The following SND1 variants were observed in gnomAD, a reference collection of about 807,000 sequenced individuals.
SND1 encodes the protein staphylococcal nuclease domain-containing protein 1.
A neutral mutation model predicts 121.7 loss-of-function variants in SND1; 38 were observed. The ratio of observed to expected loss-of-function variants is 0.31; its 90% confidence interval spans 0.24 to 0.41. SND1 has a LOEUF of 0.41. SND1 is among the 10% of genes least tolerant of loss of function. SND1 has a pLI of 1.00. For missense variants in SND1, 868 were observed against 1,184.6 expected (o/e 0.73, Z 3.92); for synonymous variants, 401 against 447.4 (o/e 0.90, Z 1.31).
intron 2 of SND1, among the ~76,000 whole-genome samples, chr7:127,691,248 A>C (rs1468654328): frequency 2.0e-5 from 3 of 152,202 alleles, no homozygotes; most frequent in Non-Finnish European, 4.4e-5. Context: ...TATCTTTAAA[A>C]AATAATAAAA....
chr7:127,958,418 G>C (rs1801650306), intron 15 of SND1, among the ~76,000 whole-genome samples: 1 of 152,166 alleles, frequency 6.6e-6, no homozygotes, highest in Non-Finnish European at 1.5e-5. Flanking sequence ...ATCAACTCTG[G>C]AACTATTCAG....
chr7:127,682,668 C>G (rs189267536), intron 1 of SND1, among the ~76,000 whole-genome samples: 1 of 152,332 alleles, frequency 6.6e-6, no homozygotes, highest in Admixed American at 6.5e-5. Context: ...TCAATCTTAA[C>G]ATTATTCTCC....
At chr7:127,684,138 A>AATATT (rs1795774254) in intron 1 of SND1, among the ~76,000 whole-genome samples, 1 of 152,180 alleles carries the variant, frequency 6.6e-6, no homozygotes, top group Admixed American at 6.5e-5. Context: ...TGAGCTTCTC[A>AATATT]GTTTGATTTG....
At chr7:127,783,381 G>T (rs191908234) in intron 10 of SND1, among the ~76,000 whole-genome samples, 9 of 152,324 alleles carry the variant, frequency 5.9e-5, no homozygotes, top group South Asian at 2.1e-4. Flanking sequence ...ATACTGGTCA[G>T]TAGACAGTGA....
rs763289898 is a variant in SND1, at chr7:128,085,832, C to T, written c.2304+52C>T. 20 of 1,451,286 alleles carry T rather than the reference C, an allele frequency of 1.4e-5. No homozygotes were observed. Among genetic ancestry groups the T allele is most frequent in the Non-Finnish European group, 1.9e-5 (20 of 1,032,700 alleles). The allele number at this position is 1,451,286 out of a possible 1,614,324, so 89.9% of individuals were successfully genotyped here. On this transcript the variant is annotated intron_variant, in intron 20 of 23. Transcript: ENST00000354725. This position sits in a 1 kb window ranked among gnomAD's most constrained non-coding sequence, Gnocchi z 4.4. Reference sequence around the variant, plus strand: ...AGGGGCTATCAAACACAGCAGCCCCCGAGTCAAATCCATCTGATCTCTCCA... The same window carrying T: ...AGGGGCTATCAAACACAGCAGCCCCTGAGTCAAATCCATCTGATCTCTCCA...
intron 16 of SND1, among the ~76,000 whole-genome samples, chr7:128,023,013 T>C (rs2116966999): frequency 6.6e-6 from 1 of 152,270 alleles, no homozygotes; most frequent in East Asian, 1.9e-4. Context: ...TCTCCCTGCT[T>C]TTCTTCTCCT....
At chr7:127,730,615 C>T (rs142985878) in intron 10 of SND1, among the ~76,000 whole-genome samples, 272 of 152,320 alleles carry the variant, frequency 1.8e-3, no homozygotes, top group African/African-American at 6.1e-3. Context: ...ACATGATGGA[C>T]GCCTGTAGTT....
At chr7:127,672,232 T>G (rs559253042) in intron 1 of SND1, among the ~76,000 whole-genome samples, 36 of 152,298 alleles carry the variant, frequency 2.4e-4, no homozygotes. Flanking sequence ...CCTTTCATAC[T>G]TTAATACTTC....
chr7:128,080,294 C>T (rs1301615060), intron 17 of SND1, among the ~76,000 whole-genome samples: 1 of 152,254 alleles, frequency 6.6e-6, no homozygotes, highest in Non-Finnish European at 1.5e-5. Flanking sequence ...GGATAATCTC[C>T]TGGCTGCAGG....
chr7:127,977,443 A>G (rs547177702), intron 15 of SND1, among the ~76,000 whole-genome samples: 4 of 152,318 alleles, frequency 2.6e-5, no homozygotes, highest in African/African-American at 7.2e-5. Context: ...GAATTGGACC[A>G]GATCTTAGAA....
intron 10 of SND1, among the ~76,000 whole-genome samples, chr7:127,794,679 G>A (rs1797980795): frequency 6.6e-6 from 1 of 152,168 alleles, no homozygotes; most frequent in Admixed American, 6.5e-5. Flanking sequence ...CTGTGGGAGG[G>A]TTTGTGGCAC....
chr7:128,090,432 C>T (rs866033587), intron 22 of SND1, among the ~76,000 whole-genome samples: 1 of 152,180 alleles, frequency 6.6e-6, no homozygotes, highest in Non-Finnish European at 1.5e-5. Flanking sequence ...CACTGAGGCC[C>T]TATTGCAGAC....
At chr7:127,953,392 T>G (rs1450374428) in intron 15 of SND1, among the ~76,000 whole-genome samples, 1 of 152,016 alleles carries the variant, frequency 6.6e-6, no homozygotes. Flanking sequence ...AAATTCCTCT[T>G]CTAGTCTTTT....
chr7:127,850,024 C>G (rs1389121906), intron 12 of SND1, among the ~76,000 whole-genome samples: 2 of 152,164 alleles, frequency 1.3e-5, no homozygotes, highest in Non-Finnish European at 2.9e-5. Flanking sequence ...TTGTATGAAC[C>G]AGACTATTAA....
chr7:127,855,538 T>C (rs1799259534), intron 12 of SND1, among the ~76,000 whole-genome samples: 1 of 152,142 alleles, frequency 6.6e-6, no homozygotes, highest in Non-Finnish European at 1.5e-5. Context: ...TTTTTCCAGC[T>C]GTAAGTTAGA....
intron 14 of SND1, among the ~76,000 whole-genome samples, chr7:127,922,199 T>TTTTTTTTTTTGTTTTTTTG (rs1554443300): frequency 2.1e-5 from 2 of 93,500 alleles, no homozygotes; most frequent in African/African-American, 8.6e-5. Flanking sequence ...TTTTTTTTTT[T>TTTTTTTTTTTGTTTTTTTG]TTTTGTTTTG....
At chr7:127,747,560 C>T (rs1256853076) in intron 10 of SND1, among the ~76,000 whole-genome samples, 1 of 152,128 alleles carries the variant, frequency 6.6e-6, no homozygotes, top group African/African-American at 2.4e-5. Context: ...ACTTCATGTC[C>T]AGCCTGGAAG....
chr7:128,092,130 A>G lies in SND1; in HGVS notation c.*72A>G. 1 of 1,480,916 alleles carries G rather than the reference A, an allele frequency of 6.8e-7. No homozygotes were observed. The highest frequency in any genetic ancestry group is 9.4e-7 in the Non-Finnish European group (1 of 1,061,704). The allele number at this position is 1,480,916 out of a possible 1,614,324, so 91.7% of individuals were successfully genotyped here. ...TTCCTCTGCCGGGAGGGTGTTTTCA[A>G]CTCCAAACCCCAGAGAGGGGTTGTA... On this transcript the variant is annotated 3_prime_UTR_variant, in exon 24 of 24. Coordinates refer to ENST00000354725, the MANE Select transcript of SND1 (RefSeq NM_014390.4). This position sits in a 1 kb window ranked among gnomAD's most constrained non-coding sequence, Gnocchi z 4.9.
At chr7:127,935,299 G>A (rs577239226) in intron 15 of SND1, among the ~76,000 whole-genome samples, 3 of 152,160 alleles carry the variant, frequency 2.0e-5, no homozygotes, top group South Asian at 4.1e-4. Flanking sequence ...CATCTTGTGC[G>A]CTTTTAGAAC....
Sources: gnomAD v4.1 joint callset for allele counts (sites outside exome capture counted in the v4.1 genomes callset) on GRCh38, gnomAD v4.1.1 for gene constraint, Gnocchi (gnomAD v3.1) non-coding constraint, MANE v1.5 for transcripts, NCBI Gene and HGNC (gene_info 2026-07-23, HGNC 2026-07-21) for gene names.